Variants in SHC4 observed in about 807,000 individuals in gnomAD.
SHC4 encodes SHC-transforming protein 4.
Under a neutral mutation model 69.4 loss-of-function variants are expected in SHC4, and 41 were observed. That is an observed-to-expected ratio of 0.59 (90% CI 0.46 to 0.77). The LOEUF (loss-of-function observed/expected upper bound fraction) is 0.77. Among genes scored for constraint, SHC4 ranks in the 30% least tolerant of loss-of-function variants. SHC4 has a pLI of 0.00. For missense variants in SHC4, 777 were observed against 783.8 expected (o/e 0.99, Z 0.10); for synonymous variants, 318 against 299.3 (o/e 1.06, Z -0.64).
At chr15:48,859,214 T>C (rs1899388646) in intron 6 of SHC4, among the ~76,000 whole-genome samples, 1 of 152,192 alleles carries the variant, frequency 6.6e-6, no homozygotes, top group South Asian at 2.1e-4. Flanking sequence ...CTCAGCCTTA[T>C]GTTAATAATC....
intron 7 of SHC4, among the ~76,000 whole-genome samples, chr15:48,856,646 A>C (rs1044253728): frequency 6.6e-6 from 1 of 152,168 alleles, no homozygotes; most frequent in Non-Finnish European, 1.5e-5. Flanking sequence ...ATTAACACAG[A>C]AATATTAGAA....
At chr15:48,941,138 G>A (rs1007595976) in intron 1 of SHC4, among the ~76,000 whole-genome samples, 4 of 152,186 alleles carry the variant, frequency 2.6e-5, no homozygotes, top group Non-Finnish European at 4.4e-5. Flanking sequence ...AGGGAAGGCA[G>A]AGAACAGTCT....
chr15:48,897,776 CACACACACAT>C (rs1900250133), intron 2 of SHC4, among the ~76,000 whole-genome samples: 1 of 151,922 alleles, frequency 6.6e-6, no homozygotes, highest in Non-Finnish European at 1.5e-5. Context: ...CACACACACA[CACACACACAT>C]CTATAGTCAC....
chr15:48,946,374 T>C (rs891559235), intron 1 of SHC4, among the ~76,000 whole-genome samples: 8 of 152,226 alleles, frequency 5.3e-5, no homozygotes, highest in Non-Finnish European at 1.0e-4. Context: ...TTATGCTTCC[T>C]GGAGGCCTCC....
At chr15:48,884,082 A>C (rs1207366814) in intron 4 of SHC4, among the ~76,000 whole-genome samples, 166 bp downstream of exon 4, 1 of 152,244 alleles carries the variant, frequency 6.6e-6, no homozygotes, top group African/African-American at 2.4e-5. Context: ...TGGGTTAGTA[A>C]TGCTGTTGTT....
chr15:48,849,864 A>T (rs904454673), intron 9 of SHC4, among the ~76,000 whole-genome samples: 2 of 152,194 alleles, frequency 1.3e-5, no homozygotes, highest in African/African-American at 4.8e-5. Context: ...AATGGCATGG[A>T]ATTTTAATTT....
intron 1 of SHC4, among the ~76,000 whole-genome samples, chr15:48,953,634 T>G (rs915972242): frequency 2.6e-5 from 4 of 152,218 alleles, no homozygotes; most frequent in Non-Finnish European, 1.5e-5. Context: ...AAATCATAGC[T>G]ATTATGTTAA....
At chr15:48,931,033 G>A (rs967039168) in intron 1 of SHC4, among the ~76,000 whole-genome samples, 5 of 152,152 alleles carry the variant, frequency 3.3e-5, no homozygotes, top group South Asian at 4.1e-4. Flanking sequence ...GTCACCTACC[G>A]CTGTCGACCT....
chr15:48,868,825 T>A (rs534920444), intron 5 of SHC4, among the ~76,000 whole-genome samples: 1 of 152,288 alleles, frequency 6.6e-6, no homozygotes, highest in Middle Eastern at 3.4e-3. Context: ...CATACCTGAG[T>A]AAATTTCTCT....
chr15:48,894,277 G>A (rs1191709038), intron 2 of SHC4, among the ~76,000 whole-genome samples: 4 of 152,124 alleles, frequency 2.6e-5, no homozygotes, highest in Non-Finnish European at 5.9e-5. Flanking sequence ...TGCTTTTTTT[G>A]TGGTTTGCTA....
At chr15:48,845,743 A>G (rs1017969210) in intron 9 of SHC4, among the ~76,000 whole-genome samples, 1 of 152,222 alleles carries the variant, frequency 6.6e-6, no homozygotes, top group Non-Finnish European at 1.5e-5. Context: ...CTCTAAATGC[A>G]TACTAGACCT....
chr15:48,829,817 G>A (rs1396181304), intron 11 of SHC4, among the ~76,000 whole-genome samples: 13 of 152,192 alleles, frequency 8.5e-5, no homozygotes, highest in Admixed American at 8.5e-4. Flanking sequence ...TACTTGGGAG[G>A]CTGAGGCAGA....
chr15:48,861,342 G>C (rs926403578), intron 6 of SHC4, among the ~76,000 whole-genome samples: 1 of 152,218 alleles, frequency 6.6e-6, no homozygotes, highest in African/African-American at 2.4e-5. Context: ...CAGACAAACA[G>C]ACTGACCTCA....
intron 1 of SHC4, among the ~76,000 whole-genome samples, chr15:48,939,404 G>A (rs937332727): frequency 2.0e-5 from 3 of 152,186 alleles, no homozygotes; most frequent in African/African-American, 7.2e-5. Flanking sequence ...AGAGGTAAGG[G>A]CAAAAATAAG....
chr15:48,935,549 C>T (rs372295553), intron 1 of SHC4, among the ~76,000 whole-genome samples: 1 of 152,178 alleles, frequency 6.6e-6, no homozygotes, highest in Non-Finnish European at 1.5e-5. Context: ...TGTGTTCCTT[C>T]TTAAAGGGGT....
At position 48,942,768 on chromosome 15, in the gene SHC4, G is replaced by A. The variant is rs527810218; in HGVS notation, c.586-17819C>T. Among the ~76,000 whole-genome samples, 98 of 152,310 alleles carry A rather than the reference G, an allele frequency of 6.4e-4. 1 individual carries two copies. Among genetic ancestry groups the A allele is most frequent in the African/African-American group, 2.3e-3 (96 of 41,552 alleles). On this transcript the variant is annotated intron_variant, in intron 1 of 11. Coordinates refer to ENST00000332408, the MANE Select transcript of SHC4 (RefSeq NM_203349.4). Reference sequence around the variant, plus strand: ...AGCAGGGAGAGGTCAGTTGGTTATAGCTAATAAGAAGTGTAGTTCAGGCTT... The same window carrying A: ...AGCAGGGAGAGGTCAGTTGGTTATAACTAATAAGAAGTGTAGTTCAGGCTT...
chr15:48,949,673 A>T (rs1901333723), intron 1 of SHC4, among the ~76,000 whole-genome samples: 1 of 151,860 alleles, frequency 6.6e-6, no homozygotes, highest in African/African-American at 2.4e-5. Flanking sequence ...CTTTTCCAGC[A>T]GCTTTTACTC....
chr15:48,858,518 A>C (rs2140984641), intron 6 of SHC4, among the ~76,000 whole-genome samples: 1 of 152,318 alleles, frequency 6.6e-6, no homozygotes. Context: ...GCTAGTTTTC[A>C]CACAAAAATA....
intron 1 of SHC4, among the ~76,000 whole-genome samples, chr15:48,925,737 G>T (rs984744444): frequency 5.9e-5 from 9 of 152,172 alleles, no homozygotes; most frequent in African/African-American, 2.2e-4. Context: ...TTAGATCTGT[G>T]TTGGAGGAGG....
Sources: gnomAD v4.1 joint callset for allele counts (sites outside exome capture counted in the v4.1 genomes callset) on GRCh38, gnomAD v4.1.1 for gene constraint, MANE v1.5 for transcripts, NCBI Gene and HGNC (gene_info 2026-07-23, HGNC 2026-07-21) for gene names.